The following NEXMIF variants were observed in gnomAD, a reference collection of about 807,000 sequenced individuals.
The protein encoded by NEXMIF is XLMR protein related to neurite extension.
In NEXMIF, 8 loss-of-function variants were observed where a neutral mutation model predicts 62.1. That is an observed-to-expected ratio of 0.13 (90% confidence interval 0.08 to 0.23). The LOEUF is 0.23. Ranked by LOEUF, NEXMIF falls within the 10% of genes least tolerant of loss-of-function variation. The probability of loss-of-function intolerance (pLI) is 1.00; values close to 1 mark genes in which losing one functional copy is unlikely to be tolerated. For synonymous variants in NEXMIF, 404 were observed against 416.6 expected (o/e 0.97, Z 0.37); for missense variants, 976 against 1,113.3 (o/e 0.88, Z 1.75).
intron 1 of NEXMIF, among the ~76,000 whole-genome samples, chrX:74,812,818 T>C (rs2080364598): frequency 8.9e-6 from 1 of 112,041 alleles, no homozygotes; most frequent in Admixed American, 9.5e-5. Flanking sequence ...AGACCTTAAA[T>C]GCTTGTCCAA....
chrX:74,884,433 A>C (rs1362680973), intron 1 of NEXMIF, among the ~76,000 whole-genome samples: 1 of 111,651 alleles, frequency 9.0e-6, no homozygotes, highest in Non-Finnish European at 1.9e-5. Flanking sequence ...TAGGCTCAAA[A>C]TAAAGGGATG....
At chrX:74,839,118 G>A (rs1032908334) in intron 1 of NEXMIF, among the ~76,000 whole-genome samples, 1 of 111,413 alleles carries the variant, frequency 9.0e-6, no homozygotes, top group Non-Finnish European at 1.9e-5. Context: ...TCCTCTTCTC[G>A]CACCTTGTAC....
chrX:74,841,209 T>C (rs2080472817), intron 1 of NEXMIF, among the ~76,000 whole-genome samples: 2 of 111,284 alleles, frequency 1.8e-5, no homozygotes, highest in African/African-American at 6.5e-5. Context: ...TGGATAGCTG[T>C]ATTCCTAGGT....
At chrX:74,757,344 G>C (rs2080162527) in intron 1 of NEXMIF, among the ~76,000 whole-genome samples, 1 of 111,704 alleles carries the variant, frequency 9.0e-6, no homozygotes, top group Admixed American at 9.5e-5. Context: ...ATGGCCTAGG[G>C]TTTTATTTAT....
intron 1 of NEXMIF, among the ~76,000 whole-genome samples, chrX:74,835,586 CTT>C (rs942081731): frequency 1.8e-5 from 2 of 111,519 alleles, no homozygotes; most frequent in Non-Finnish European, 3.8e-5. Flanking sequence ...GAAAGGAACT[CTT>C]GTTTTTTTTT....
intron 1 of NEXMIF, among the ~76,000 whole-genome samples, chrX:74,842,431 G>A (rs2080476971): frequency 9.0e-6 from 1 of 111,369 alleles, no homozygotes; most frequent in Non-Finnish European, 1.9e-5. Context: ...ACAAACTTCT[G>A]GATTCACTGA....
At position 74,925,411 on chromosome X, in the gene NEXMIF, G is replaced by T; in HGVS notation, c.-576C>A. 1 of 194,510 alleles carries T rather than the reference G, an allele frequency of 5.1e-6. No homozygotes were observed. The highest frequency in any genetic ancestry group is 1.0e-5 in the Non-Finnish European group (1 of 99,783). 16.0% of individuals were successfully genotyped at this position (194,510 alleles called of 1,213,427 possible). ...TGCTACTGCTGTGGCGGCGGTGGTG[G>T]CGGCGGCGGCTGCTGCTGCTGCTGC... On this transcript the variant is annotated 5_prime_UTR_variant, in exon 1 of 4. Transcript: ENST00000055682.
chrX:74,759,799 T>C (rs1005766901), intron 1 of NEXMIF, among the ~76,000 whole-genome samples: 1 of 111,886 alleles, frequency 8.9e-6, no homozygotes, highest in African/African-American at 3.3e-5. Context: ...ATCCCTGTAG[T>C]ACAGTTTGAA....
At chrX:74,791,421 T>G (rs904308348) in intron 1 of NEXMIF, among the ~76,000 whole-genome samples, 4 of 111,510 alleles carry the variant, frequency 3.6e-5, no homozygotes, top group African/African-American at 9.8e-5. Context: ...TCATCAAGGA[T>G]AGTGGTCTAA....
At chrX:74,899,081 A>G (rs956059617) in intron 1 of NEXMIF, among the ~76,000 whole-genome samples, 18 of 111,447 alleles carry the variant, frequency 1.6e-4, no homozygotes, top group African/African-American at 5.6e-4. Context: ...TGCAATCCCT[A>G]TCAAAAACCC....
At position 74,736,688 on chromosome X, in the gene NEXMIF, A is replaced by G. The variant is rs747862960; in HGVS notation, c.*2717T>C. The G allele has an allele frequency of 8.9e-6, 1 of 112,191 alleles. No homozygotes were observed. The highest frequency in any genetic ancestry group is 2.8e-4 in the East Asian group (1 of 3,582). 9.2% of individuals were successfully genotyped at this position (112,191 alleles called of 1,213,427 possible). A position where few individuals can be genotyped will look rare whatever the true frequency, so the allele number is the denominator to read the frequency against. On this transcript the variant is annotated 3_prime_UTR_variant, in exon 4 of 4. Transcript: ENST00000055682. ...GAGAGGAATATTAAATGCAATTAAG[A>G]GAATAAACATCTTCTGCCTCGGCCT...
At chrX:74,879,088 A>G (rs184927056) in intron 1 of NEXMIF, among the ~76,000 whole-genome samples, 90 of 112,481 alleles carry the variant, frequency 8.0e-4, no homozygotes, top group African/African-American at 2.8e-3. Context: ...TACAGTATCC[A>G]GTACAGTAAC....
At chrX:74,790,981 C>A (rs1282936042) in intron 1 of NEXMIF, among the ~76,000 whole-genome samples, 3 of 110,801 alleles carry the variant, frequency 2.7e-5, no homozygotes, top group East Asian at 2.8e-4. Flanking sequence ...CTTCTCCTGC[C>A]TAATTGCCCT....
intron 1 of NEXMIF, among the ~76,000 whole-genome samples, chrX:74,765,891 AG>A (rs1388603409): frequency 9.5e-6 from 1 of 105,108 alleles, no homozygotes; most frequent in Non-Finnish European, 1.9e-5. Flanking sequence ...AAAAAAAAAA[AG>A]TAACCAGGTG....
chrX:74,833,315 C>T (rs999293898), intron 1 of NEXMIF, among the ~76,000 whole-genome samples: 3 of 111,771 alleles, frequency 2.7e-5, no homozygotes, highest in Non-Finnish European at 5.6e-5. Context: ...TATTTACAAT[C>T]GTTCTATCCT....
chrX:74,829,208 A>G (rs940746087), intron 1 of NEXMIF, among the ~76,000 whole-genome samples: 2 of 111,802 alleles, frequency 1.8e-5, no homozygotes, highest in African/African-American at 6.5e-5. Flanking sequence ...AAACAATCCA[A>G]TTATACTCTT....
At chrX:74,889,314 T>A (rs1225801687) in intron 1 of NEXMIF, among the ~76,000 whole-genome samples, 1 of 111,602 alleles carries the variant, frequency 9.0e-6, no homozygotes, top group African/African-American at 3.3e-5. Context: ...TACTAAAGGT[T>A]TTCTTTTGTC....
chrX:74,884,862 C>A (rs182342778), intron 1 of NEXMIF, among the ~76,000 whole-genome samples: 26 of 111,648 alleles, frequency 2.3e-4, no homozygotes, highest in Non-Finnish European at 4.5e-4. Context: ...AGCACCACAC[C>A]ACACCTATTC....
chrX:74,785,060 G>C (rs2080256698), intron 1 of NEXMIF, among the ~76,000 whole-genome samples: 1 of 111,347 alleles, frequency 9.0e-6, no homozygotes, highest in Admixed American at 9.6e-5. Context: ...TTGGAAGCTT[G>C]CACCTGGTAT....
Sources: gnomAD v4.1 joint callset for allele counts (sites outside exome capture counted in the v4.1 genomes callset) on GRCh38, gnomAD v4.1.1 for gene constraint, MANE v1.5 for transcripts, NCBI Gene and HGNC (gene_info 2026-07-23, HGNC 2026-07-21) for gene names.